Variants in CDH18 observed in about 807,000 individuals in gnomAD.
CDH18 encodes cadherin 18, also known as cadherin-18.
Under a neutral mutation model 67.9 loss-of-function variants are expected in CDH18, and 31 were observed. The ratio of observed to expected loss-of-function variants is 0.46; its 90% CI spans 0.34 to 0.62. CDH18 has a LOEUF of 0.62. Among genes scored for constraint, CDH18 ranks in the 20% least tolerant of loss-of-function variants. The pLI is 0.01. For synonymous variants in CDH18, 362 were observed against 347.2 expected, an observed-to-expected ratio of 1.04 and a Z score of -0.48; for missense variants, 890 against 975.5, an observed-to-expected ratio of 0.91 and a Z score of 1.17.
At chr5:20,210,162 C>G (rs1420831272) in intron 2 of CDH18, among the ~76,000 whole-genome samples, 4 of 151,524 alleles carry the variant, frequency 2.6e-5, no homozygotes. Flanking sequence ...ATTTGCTAGC[C>G]TTTTCCAGAA....
In CDH18 at chr5:19,954,748, A is replaced by G. The variant is rs1415963717; in HGVS notation, c.-257+26312T>C. 3.9e-5 allele frequency among the ~76,000 whole-genome samples: 6 copies of G among 152,152 alleles called. No homozygotes were observed. In the South Asian group the frequency reaches 6.2e-4, roughly 16 times the overall value. ...AATGTTCATGCTTTCAAATACAAAC[A>G]CACACACACTAACTCACACATACAC... On this transcript the variant is annotated intron_variant, in intron 2 of 12. Transcript: ENST00000382275.
chr5:20,569,693 T>G (rs1316335656), intron 1 of CDH18, among the ~76,000 whole-genome samples: 1 of 152,196 alleles, frequency 6.6e-6, no homozygotes, highest in South Asian at 2.1e-4. Context: ...CCAAATGAGT[T>G]GAACACTTAC....
chr5:20,333,786 A>G (rs1739424482), intron 1 of CDH18, among the ~76,000 whole-genome samples: 2 of 152,130 alleles, frequency 1.3e-5, no homozygotes, highest in South Asian at 4.1e-4. Flanking sequence ...TGGAAGCATT[A>G]TCTTTTCTAG....
chr5:20,115,277 T>TTTTTTG (rs1580275886), intron 2 of CDH18, among the ~76,000 whole-genome samples: 3 of 120,630 alleles, frequency 2.5e-5, no homozygotes, highest in East Asian at 2.5e-4. Context: ...CATCTTTTTT[T>TTTTTTG]TTTTTTTTTT....
At chr5:19,979,495 T>C (rs1798828327) in intron 2 of CDH18, among the ~76,000 whole-genome samples, 1 of 152,112 alleles carries the variant, frequency 6.6e-6, no homozygotes. Flanking sequence ...GGTCTTTTAA[T>C]TGATATATTG....
At chr5:20,004,122 A>C (rs190657607) in intron 2 of CDH18, among the ~76,000 whole-genome samples, 1 of 152,010 alleles carries the variant, frequency 6.6e-6, no homozygotes, top group Non-Finnish European at 1.5e-5. Flanking sequence ...ATTGTCCTTC[A>C]TATCTCTCAT....
At chr5:19,682,069 G>T (rs896105271) in intron 5 of CDH18, among the ~76,000 whole-genome samples, 2 of 151,932 alleles carry the variant, frequency 1.3e-5, no homozygotes, top group African/African-American at 4.8e-5. Flanking sequence ...TGACCATTTG[G>T]AAGCTATTAT....
At chr5:20,196,027 G>C (rs1738945979) in intron 2 of CDH18, among the ~76,000 whole-genome samples, 1 of 152,134 alleles carries the variant, frequency 6.6e-6, no homozygotes, top group African/African-American at 2.4e-5. Flanking sequence ...TGAATATTTA[G>C]CATCCTTCCT....
At chr5:20,206,687 T>A (rs2126343452) in intron 2 of CDH18, among the ~76,000 whole-genome samples, 1 of 152,068 alleles carries the variant, frequency 6.6e-6, no homozygotes, top group African/African-American at 2.4e-5. Context: ...TGTGCAAGAA[T>A]GATTTAACCT....
rs1736269416 is a variant in CDH18, at chr5:20,304,737, A to G, written c.-579-49232T>C. 67 of 1,611,206 alleles carry G rather than the reference A, an allele frequency of 4.2e-5. No individual in the cohort carries two copies. The South Asian group carries it at 7.4e-4, about 18-fold the overall frequency. On this transcript the variant is annotated intron_variant, in intron 1 of 14. Transcript: ENST00000507958. Reference sequence around the variant, plus strand: ...GTGTATCTTCAGTTTTGTTGCCATGAAACAAAAACGCTGACTCTTGCTGTA... The same window carrying G: ...GTGTATCTTCAGTTTTGTTGCCATGGAACAAAAACGCTGACTCTTGCTGTA...
At chr5:19,716,963 A>C (rs1382955025) in intron 5 of CDH18, among the ~76,000 whole-genome samples, 1 of 152,096 alleles carries the variant, frequency 6.6e-6, no homozygotes, top group African/African-American at 2.4e-5. Context: ...ATGGCTTAGT[A>C]GTATTTACTG....
chr5:20,540,837 T>G (rs1287855581), intron 1 of CDH18, among the ~76,000 whole-genome samples: 1 of 152,214 alleles, frequency 6.6e-6, no homozygotes, highest in Non-Finnish European at 1.5e-5. Context: ...AATTCCCATA[T>G]TAGGGCTGAA....
intron 2 of CDH18, among the ~76,000 whole-genome samples, chr5:20,239,491 G>A (rs1255469609): frequency 2.6e-5 from 4 of 151,754 alleles, no homozygotes; most frequent in Non-Finnish European, 4.4e-5. Flanking sequence ...AAGAAGTTCC[G>A]GTAAATGCAA....
At chr5:20,316,017 C>A (rs371774864) in intron 1 of CDH18, among the ~76,000 whole-genome samples, 19 of 152,074 alleles carry the variant, frequency 1.2e-4, no homozygotes, top group African/African-American at 4.3e-4. Flanking sequence ...AAGCATGACA[C>A]GATCAAAACA....
chr5:19,990,002 T>C (rs1799890531), upstream of CDH18, among the ~76,000 whole-genome samples: 1 of 152,210 alleles, frequency 6.6e-6, no homozygotes, highest in Non-Finnish European at 1.5e-5. Flanking sequence ...TTGCGCATTA[T>C]ATATTCTTTA....
At chr5:19,485,694 G>C (rs1434811819) in intron 11 of CDH18, among the ~76,000 whole-genome samples, 1 of 152,160 alleles carries the variant, frequency 6.6e-6, no homozygotes, top group East Asian at 1.9e-4. Flanking sequence ...TCAGCTGTAG[G>C]ATGTTGCATC....
At chr5:19,603,505 A>T (rs185394702) in intron 6 of CDH18, among the ~76,000 whole-genome samples, 1 of 152,088 alleles carries the variant, frequency 6.6e-6, no homozygotes. Flanking sequence ...AGTTGTTAAA[A>T]GGATAAATAT....
At chr5:20,241,533 T>C (rs560936187) in intron 2 of CDH18, among the ~76,000 whole-genome samples, 1 of 152,028 alleles carries the variant, frequency 6.6e-6, no homozygotes, top group African/African-American at 2.4e-5. Context: ...TTGTAACTCT[T>C]CAGAGATGAA....
At chr5:20,563,511 TTAAA>T (rs1164972347) in intron 1 of CDH18, among the ~76,000 whole-genome samples, 2 of 152,172 alleles carry the variant, frequency 1.3e-5, no homozygotes, top group Admixed American at 6.6e-5. Context: ...GTGTGTTTTT[TTAAA>T]TAAATAAAAT....
Sources: gnomAD v4.1 joint callset for allele counts (sites outside exome capture counted in the v4.1 genomes callset) on GRCh38, gnomAD v4.1.1 for gene constraint, MANE v1.5 for transcripts, NCBI Gene and HGNC (gene_info 2026-07-23, HGNC 2026-07-21) for gene names.